Variants in C16orf89 observed in about 807,000 individuals in gnomAD.
The protein encoded by C16orf89 is chromosome 16 open reading frame 89, also known as UPF0764 protein C16orf89.
Under a neutral mutation model 41.5 loss-of-function variants are expected in C16orf89, and 57 were observed. The observed-to-expected ratio is 1.38, with a 90% CI of 1.11 to 1.71. C16orf89 has a LOEUF of 1.71. Among genes scored for constraint, C16orf89 ranks in the 40% most tolerant of loss-of-function variants. The probability of loss-of-function intolerance (pLI) is 0.00; values close to 1 mark genes in which losing one functional copy is unlikely to be tolerated. For missense variants in C16orf89, 575 were observed against 445.9 expected (o/e 1.29, Z -2.61); for synonymous variants, 223 against 190.6 (o/e 1.17, Z -1.40).
At chr16:5,048,505 T>G (rs1956342495) in intron 6 of C16orf89, among the ~76,000 whole-genome samples, 1 of 152,234 alleles carries the variant, frequency 6.6e-6, no homozygotes, top group South Asian at 2.1e-4. Flanking sequence ...TTCCAAACTG[T>G]GGCTCCCCAA....
chr16:5,043,953 A>G, downstream of C16orf89: 1 of 207,530 alleles, frequency 4.8e-6, no homozygotes, highest in Non-Finnish European at 8.4e-6. Context: ...CAGGAGTTTG[A>G]GGCTGCAGTG....
chr16:5,059,897 A>T (rs942484528), intron 3 of C16orf89, among the ~76,000 whole-genome samples: 21 of 120,920 alleles, frequency 1.7e-4, no homozygotes, highest in Non-Finnish European at 1.0e-4. Context: ...AGACTTCCTG[A>T]GGCCCAGGGG....
At chr16:5,056,231 G>T (rs1486554395) in intron 4 of C16orf89, 43 bp from the exon 5 acceptor site, 3 of 1,546,962 alleles carry the variant, frequency 1.9e-6, no homozygotes, top group Non-Finnish European at 2.7e-6. Flanking sequence ...CAGTGGTACA[G>T]ATGACAGACA....
chr16:5,057,654 G>A (rs1956538910), intron 4 of C16orf89, among the ~76,000 whole-genome samples: 1 of 150,786 alleles, frequency 6.6e-6, no homozygotes, highest in East Asian at 2.0e-4. Flanking sequence ...TCAGCCTCCC[G>A]AGTAGCTGGA....
At chr16:5,065,083 G>A (rs189576120) in intron 1 of C16orf89, among the ~76,000 whole-genome samples, 6 of 152,156 alleles carry the variant, frequency 3.9e-5, no homozygotes, top group East Asian at 1.9e-4. Flanking sequence ...GTGTGCATGC[G>A]TGCATGCGTG....
chr16:5,051,974 G>T (rs1023691487), intron 6 of C16orf89, among the ~76,000 whole-genome samples: 5 of 151,768 alleles, frequency 3.3e-5, no homozygotes, highest in Non-Finnish European at 5.9e-5. Flanking sequence ...ATGGTGGTGG[G>T]TGGCTGTAAT....
chr16:5,062,706 G>A, intron 1 of C16orf89, 132 bp from the exon 2 acceptor site: 1 of 1,050,318 alleles, frequency 9.5e-7, no homozygotes, highest in South Asian at 1.7e-5. Flanking sequence ...GCACTCAGAG[G>A]GGAAGGATTT....
chr16:5,064,294 G>A (rs1482247574), intron 1 of C16orf89, among the ~76,000 whole-genome samples: 3 of 152,202 alleles, frequency 2.0e-5, no homozygotes, highest in Admixed American at 1.3e-4. Flanking sequence ...GCAATGGGAC[G>A]TAGACCCTGC....
intron 2 of C16orf89, among the ~76,000 whole-genome samples, chr16:5,061,960 A>C (rs1223868417): frequency 6.6e-6 from 1 of 152,222 alleles, no homozygotes. Flanking sequence ...AAGGCATGAG[A>C]AAGATAAACC....
rs765355947 is a variant in C16orf89 at position 5,056,186 on chromosome 16, C to T, written c.630G>A (p.Arg210=). 1 of 1,583,920 alleles carries T rather than the reference C, an allele frequency of 6.3e-7. No individual in the cohort carries two copies. Among genetic ancestry groups the T allele is most frequent in the Non-Finnish European group, 8.7e-7 (1 of 1,155,122 alleles). ...QLLFFLWARM[R]GCTQGPLQQS... ...GTTGGAGTGGTCCCTGTGTGCACCC[C>T]CTCTGGGGAGACAAACACCCAAAGA... The change falls in exon 5 of 8, where the codon AGG becomes AGA. Residue 210 remains arginine (R), a splice_region_variant and synonymous_variant. Coordinates refer to ENST00000472572, the MANE Select transcript of C16orf89 (RefSeq NM_001098514.3).
In C16orf89 at chr16:5,065,894, C is replaced by T. The variant is rs754323243; in HGVS notation, c.15G>A (p.Gly5=). Residue 5 remains glycine, a synonymous_variant, in exon 1 of 8, where the codon GGG becomes GGA. Transcript: ENST00000472572. ...CTGTCAGTAAGAGCAGGAGCAGCAG[C>T]CCCAGGCTGGCCATGGCCGGCCTCT... The part of the protein sequence containing the change: MASL[G]LLLLLLLTAL... The T allele has an allele frequency of 1.2e-5, 20 of 1,613,732 alleles. No individual in the cohort carries two copies. Among genetic ancestry groups the T allele is most frequent in the Admixed American group, 1.7e-5 (1 of 59,984 alleles).
intron 2 of C16orf89, among the ~76,000 whole-genome samples, chr16:5,061,772 C>T (rs538027004): frequency 3.3e-5 from 5 of 152,138 alleles, no homozygotes; most frequent in Non-Finnish European, 4.4e-5. Context: ...CCTCCCCGCT[C>T]ACCCCCATGC....
At chr16:5,060,516 T>G in intron 2 of C16orf89, 80 bp from the exon 3 acceptor site, 2 of 1,419,616 alleles carry the variant, frequency 1.4e-6, no homozygotes, top group Non-Finnish European at 1.9e-6. Context: ...CCCCACCTCC[T>G]CCTGCAGCCC....
Position 5,058,531 on chromosome 16 carries a change from GGCAGTAGCCTGA to G in C16orf89, c.577_588del (p.Ser193_Cys196del), listed in dbSNP as rs1371613350. On this transcript the variant is annotated inframe_deletion, in exon 4 of 8. Transcript: ENST00000472572. ...AGGAAGAAGAGCAGTTGGTGGGACA[GGCAGTAGCCTGA>G]GCAGCCGGGCTTGGTCATGAGGCTC... 1.9e-6 allele frequency: 3 copies of G among 1,612,384 alleles called. No individual in the cohort carries two copies. The highest frequency in any genetic ancestry group is 2.5e-6 in the Non-Finnish European group (3 of 1,179,712).
chr16:5,060,531 C>T, intron 2 of C16orf89, 95 bp from the exon 3 acceptor site: 1 of 1,320,132 alleles, frequency 7.6e-7, no homozygotes, highest in East Asian at 2.5e-5. Flanking sequence ...CAGCCCTGCC[C>T]ACTGGCAGGT....
At chr16:5,047,856 C>G in intron 7 of C16orf89, 22 bp downstream of exon 7, 1 of 1,384,552 alleles carries the variant, frequency 7.2e-7, no homozygotes, top group East Asian at 2.3e-5. Flanking sequence ...TGTCAAGAAA[C>G]TCCCTTGGGT....
At chr16:5,046,592 C>A (rs1396256164) in intron 7 of C16orf89, among the ~76,000 whole-genome samples, 2 of 152,112 alleles carry the variant, frequency 1.3e-5, no homozygotes. Context: ...CTCAGGTGTT[C>A]CACCCGCCTT....
intron 6 of C16orf89, among the ~76,000 whole-genome samples, chr16:5,053,563 C>T (rs1405062144): frequency 1.4e-5 from 2 of 146,696 alleles, no homozygotes; most frequent in Non-Finnish European, 1.5e-5. Flanking sequence ...TTTTTAAAGA[C>T]AGTGTCTCGC....
chr16:5,060,188 G>C, intron 3 of C16orf89, 98 bp downstream of exon 3: 4 of 1,400,574 alleles, frequency 2.9e-6, no homozygotes, highest in Non-Finnish European at 3.9e-6. Context: ...CAAACCCCTG[G>C]CTTCAGCCCT....
Sources: allele counts gnomAD v4.1 joint callset (sites outside exome capture counted in the v4.1 genomes callset), GRCh38; gene constraint gnomAD v4.1.1; transcripts MANE v1.5; gene names NCBI Gene and HGNC (gene_info 2026-07-23, HGNC 2026-07-21).